FRMPD3: variants seen among roughly 807,000 people sequenced by gnomAD.
The protein encoded by FRMPD3 is FERM and PDZ domain containing 3, also known as FERM and PDZ domain-containing protein 3.
Under a neutral mutation model 97.9 loss-of-function variants are expected in FRMPD3, and 42 were observed. That is an observed-to-expected ratio of 0.43 (90% CI 0.34 to 0.55). The LOEUF (loss-of-function observed/expected upper bound fraction) is 0.55. FRMPD3 is among the 20% of genes least tolerant of loss of function. The probability of loss-of-function intolerance (pLI) is 0.03; values close to 1 mark genes in which losing one functional copy is unlikely to be tolerated. For missense variants in FRMPD3, 1,303 were observed against 1,457.7 expected, an observed-to-expected ratio of 0.89 and a Z score of 1.73; for synonymous variants, 577 against 581.1, an observed-to-expected ratio of 0.99 and a Z score of 0.10.
chrX:107,451,350 G>T (rs1931286707), intron 1 of FRMPD3, among the ~76,000 whole-genome samples: 1 of 112,483 alleles, frequency 8.9e-6, no homozygotes, highest in Admixed American at 9.3e-5. Context: ...TGCTGACTCA[G>T]AGCGAAGCAC....
At position 107,559,967 on chromosome X, in the gene FRMPD3, G is replaced by A. The variant is rs777225571; in HGVS notation, c.763-290G>A. ...TATAAAAGGAGGAAAGAAAGGGAGT[G>A]GTGCCATGTCTCACTTTTGCAGTGA... On this transcript the variant is annotated intron_variant, in intron 8 of 14. Transcript: ENST00000683843. Among the ~76,000 whole-genome samples, 169 of 108,462 alleles carry A rather than the reference G, an allele frequency of 1.6e-3. 12 individuals carry two copies. Among genetic ancestry groups the A allele is most frequent in the Non-Finnish European group, 5.2e-4 (27 of 52,377 alleles). The allele number at this position is 108,462 out of a possible 115,157, so 94.2% of individuals were successfully genotyped here.
intron 2 of FRMPD3, 84 bp from the exon 3 acceptor site, chrX:107,530,325 C>A (rs975507995): frequency 2.7e-5 from 19 of 716,408 alleles, no homozygotes; most frequent in Admixed American, 1.6e-4. Context: ...TGCTTCAGCT[C>A]CTACAGGCAC....
Position 107,572,604 on chromosome X carries a change from G to A in FRMPD3, c.1297-3711G>A, listed in dbSNP as rs188648081. 1.1e-3 allele frequency among the ~76,000 whole-genome samples: 127 copies of A among 110,836 alleles called. 1 individual carries two copies. The highest frequency in any genetic ancestry group is 9.1e-3 in the Admixed American group (94 of 10,338). ...AATACAAAAATTAGTCAGATGTGGT[G>A]GCACACACCTGTAATCCCAGCTACT... is the stretch of plus-strand genomic sequence containing the variant. On this transcript the variant is annotated intron_variant, in intron 12 of 14. Coordinates refer to ENST00000683843, the MANE Select transcript of FRMPD3 (RefSeq NM_001388459.1).
intron 13 of FRMPD3, among the ~76,000 whole-genome samples, chrX:107,577,303 G>A (rs914777209): frequency 6.0e-4 from 65 of 107,988 alleles, no homozygotes; most frequent in African/African-American, 2.0e-3. Flanking sequence ...GGCCAACATG[G>A]TGAAACCCCA....
rs1421059680 is a variant in FRMPD3, at chrX:107,603,246, A to AGC, written c.5207_5208insGC (p.Gln1737HisfsTer30). 1.3e-5 allele frequency: 15 copies of AGC among 1,166,072 alleles called. No homozygotes were observed. Among genetic ancestry groups the AGC allele is most frequent in the African/African-American group, 1.8e-5 (1 of 56,280 alleles). On this transcript the variant is annotated frameshift_variant, in exon 15 of 15. Coordinates refer to ENST00000683843, the MANE Select transcript of FRMPD3 (RefSeq NM_001388459.1). LOFTEE classifies it high-confidence loss of function. ...CAACAACAACAGCAGCAGCAACAAC[A>AGC]ACAGCAGCAGCAGCAGCAGCAGGTG...
intron 4 of FRMPD3, among the ~76,000 whole-genome samples, chrX:107,541,349 T>C (rs1238557288): frequency 8.9e-6 from 1 of 112,284 alleles, no homozygotes; most frequent in Non-Finnish European, 1.9e-5. Context: ...AGCATAAGGC[T>C]AGATGTGACT....
Position 107,602,023 on chromosome X carries a change from C to A in FRMPD3, c.3984C>A (p.Val1328=). The A allele has an allele frequency of 8.5e-7, 1 of 1,175,734 alleles. No homozygotes were observed. ...PSLRGRERDR[V]LPSQRQPEAG... Reference sequence around the variant, plus strand: ...TCCGGGGGAGGGAAAGGGACAGAGTCCTCCCTAGCCAGAGGCAGCCAGAGG... The same window carrying A: ...TCCGGGGGAGGGAAAGGGACAGAGTACTCCCTAGCCAGAGGCAGCCAGAGG... Residue 1328 remains valine (V), a synonymous_variant, in exon 15 of 15, where the codon GTC becomes GTA. Transcript: ENST00000683843.
At chrX:107,568,958 G>A (rs16985240) in intron 12 of FRMPD3, among the ~76,000 whole-genome samples, 13,622 of 106,616 alleles carry the variant, frequency 0.13, 1,889 homozygotes, top group African/African-American at 0.4. Flanking sequence ...AGAGAACCAT[G>A]GCTCCTTGCC....
intron 4 of FRMPD3, among the ~76,000 whole-genome samples, chrX:107,537,542 C>G (rs1240863574): frequency 9.0e-6 from 1 of 111,598 alleles, no homozygotes; most frequent in Admixed American, 9.6e-5. Flanking sequence ...AAATATAAGC[C>G]AGTAATAACA....
At chrX:107,526,436 T>C in intron 1 of FRMPD3, 146 bp from the exon 2 acceptor site, 2 of 407,913 alleles carry the variant, frequency 4.9e-6, no homozygotes, top group Middle Eastern at 5.0e-4. Context: ...GCAGTCATCA[T>C]CTCTGTTGGC....
intron 13 of FRMPD3, among the ~76,000 whole-genome samples, chrX:107,580,725 C>T (rs1423140246): frequency 2.7e-5 from 3 of 111,484 alleles, no homozygotes; most frequent in African/African-American, 3.3e-5. Flanking sequence ...ATTGCTCCTC[C>T]GGAGCACTTA....
chrX:107,486,863 A>C (rs193066566), intron 1 of FRMPD3, among the ~76,000 whole-genome samples: 55 of 111,543 alleles, frequency 4.9e-4, no homozygotes, highest in African/African-American at 1.6e-3. Context: ...TCTTTGAAAA[A>C]AAAAAGTACA....
At chrX:107,573,930 T>C (rs1308107992) in intron 12 of FRMPD3, among the ~76,000 whole-genome samples, 2 of 111,807 alleles carry the variant, frequency 1.8e-5, no homozygotes, top group African/African-American at 6.5e-5. Flanking sequence ...TGGAGAAGAA[T>C]TGAGGGCTGT....
Position 107,526,668 on chromosome X carries a change from AC to A in FRMPD3, c.83del (p.Pro28LeufsTer20), listed in dbSNP as rs758645843. 129 of 1,205,720 alleles carry A rather than the reference AC, an allele frequency of 1.1e-4. No individual in the cohort carries two copies. The highest frequency in any genetic ancestry group is 1.4e-4 in the Non-Finnish European group (126 of 893,757). On this transcript the variant is annotated frameshift_variant, in exon 2 of 15. Coordinates refer to ENST00000683843, the MANE Select transcript of FRMPD3 (RefSeq NM_001388459.1). LOFTEE classifies it high-confidence loss of function. ...EILRQVTVHR[D>X]PIYGFGFVAG... The stretch of plus-strand genomic sequence containing the variant: ...CTGCGACAAGTGACCGTTCACCGAG[AC>A]CCTATATATGGCTTTGGCTTCGTGG...
intron 12 of FRMPD3, among the ~76,000 whole-genome samples, chrX:107,573,686 A>G (rs1452101048): frequency 8.9e-6 from 1 of 112,223 alleles, no homozygotes; most frequent in Non-Finnish European, 1.9e-5. Context: ...TAGGAGCATC[A>G]CTAACTTGTT....
At position 107,601,050 on chromosome X, in the gene FRMPD3, G is replaced by A; in HGVS notation, c.3011G>A (p.Ser1004Asn). The A allele has an allele frequency of 5.0e-6, 6 of 1,206,270 alleles. No homozygotes were observed. Among genetic ancestry groups the A allele is most frequent in the Non-Finnish European group, 6.7e-6 (6 of 893,204 alleles). The change falls in exon 15 of 15, where the codon AGT becomes AAT. Residue 1004 changes from serine to asparagine, a missense_variant. Coordinates refer to ENST00000683843, the MANE Select transcript of FRMPD3 (RefSeq NM_001388459.1). ...GTTAGCATGATGAGCAGCAGTGCCA[G>A]TAAGAATCTGAAGTTCAAAATTAGC... ...PEVSMMSSSA[S>N]KNLKFKISPS...
At chrX:107,591,821 T>TACATGAGATGCAC (rs1388912492) in intron 13 of FRMPD3, among the ~76,000 whole-genome samples, 1 of 112,209 alleles carries the variant, frequency 8.9e-6, no homozygotes, top group Non-Finnish European at 1.9e-5. Flanking sequence ...GATGTTTTGT[T>TACATGAGATGCAC]ACAGGCATGC....
At chrX:107,514,995 G>A (rs1332191448) in intron 1 of FRMPD3, among the ~76,000 whole-genome samples, 1 of 111,981 alleles carries the variant, frequency 8.9e-6, no homozygotes, top group Non-Finnish European at 1.9e-5. Context: ...GCTGAGGGAA[G>A]CCTAGGCTTG....
intron 1 of FRMPD3, among the ~76,000 whole-genome samples, chrX:107,475,215 C>T (rs1403205027): frequency 9.0e-6 from 1 of 111,531 alleles, no homozygotes; most frequent in Non-Finnish European, 1.9e-5. Flanking sequence ...GTCCGGGTGT[C>T]AGTAGGTCTT....
Sources: allele counts gnomAD v4.1 joint callset (sites outside exome capture counted in the v4.1 genomes callset), GRCh38; gene constraint gnomAD v4.1.1; transcripts MANE v1.5; gene names NCBI Gene and HGNC (gene_info 2026-07-23, HGNC 2026-07-21).